Variants in SMARCA2 observed in about 807,000 individuals in gnomAD.
SMARCA2 encodes the protein SWI/SNF-related matrix-associated actin-dependent regulator of chromatin subfamily A member 2.
SMARCA2 carries 61 observed loss-of-function variants against 199.8 expected under a neutral mutation model. That is an observed-to-expected ratio of 0.31 (90% CI 0.25 to 0.38). The LOEUF (loss-of-function observed/expected upper bound fraction) is 0.38, where lower values mean the gene tolerates loss of function less well. Among genes scored for constraint, SMARCA2 ranks in the 10% least tolerant of loss-of-function variants. The pLI, the probability that SMARCA2 is intolerant of heterozygous loss-of-function variation, is 1.00. For missense variants in SMARCA2, 1,344 were observed against 2,012.2 expected (o/e 0.67, Z 6.35); for synonymous variants, 935 against 732.0 (o/e 1.28, Z -4.48).
In SMARCA2 at chr9:2,120,034, A is replaced by C. The variant is rs561501669; in HGVS notation, c.3762+499A>C. Among the ~76,000 whole-genome samples, 44 of 152,362 alleles carry C rather than the reference A, an allele frequency of 2.9e-4. No individual in the cohort carries two copies. The South Asian group carries it at 6.6e-3, about 23-fold the overall frequency. ...ACATGCTCCTTAGGGAGATAGGTGG[A>C]CAACAGCTAAAACAACACACAGGTG... On this transcript the variant is annotated intron_variant, in intron 26 of 33. Coordinates refer to ENST00000349721, the MANE Select transcript of SMARCA2 (RefSeq NM_003070.5).
At chr9:2,034,686 A>C (rs1405712637) in intron 3 of SMARCA2, among the ~76,000 whole-genome samples, 1 of 152,250 alleles carries the variant, frequency 6.6e-6, no homozygotes, top group Non-Finnish European at 1.5e-5. Context: ...GATTTAGAGA[A>C]GTCTATGCAC....
At chr9:2,166,439 A>G (rs1417282138) in intron 28 of SMARCA2, among the ~76,000 whole-genome samples, 1 of 152,086 alleles carries the variant, frequency 6.6e-6, no homozygotes. Context: ...CCCAGAACAC[A>G]CATACACTGC....
chr9:2,065,234 C>T (rs1437713191), intron 9 of SMARCA2, among the ~76,000 whole-genome samples: 1 of 152,150 alleles, frequency 6.6e-6, no homozygotes, highest in Non-Finnish European at 1.5e-5. Flanking sequence ...GAGCCGTTGA[C>T]ATCAGCCAAA....
At position 2,176,034 on chromosome 9, in the gene SMARCA2, C is replaced by T. The variant is rs900040351; in HGVS notation, c.4254-5537C>T. Among the ~76,000 whole-genome samples the T allele has an allele frequency of 5.9e-5, 9 of 152,124 alleles. No individual in the cohort carries two copies. In the South Asian group the frequency reaches 1.5e-3, roughly 25 times the overall value. On this transcript the variant is annotated intron_variant, in intron 29 of 33. Transcript: ENST00000349721. ...TAGCTGGGATTATAGCCATGCGCCA[C>T]CATACTCGGCTAATTTTTTTATTTT...
At chr9:2,073,943 G>A (rs1295124409) in intron 12 of SMARCA2, among the ~76,000 whole-genome samples, 1 of 152,126 alleles carries the variant, frequency 6.6e-6, no homozygotes, top group African/African-American at 2.4e-5. Flanking sequence ...GGATTACCTT[G>A]GGAAAGGCCA....
chr9:2,153,368 G>C (rs60466064), intron 27 of SMARCA2, among the ~76,000 whole-genome samples: 2,961 of 152,146 alleles, frequency 0.019, 80 homozygotes, highest in African/African-American at 0.061. Context: ...CTGACCCTGT[G>C]TCTACAAAAA....
intron 29 of SMARCA2, among the ~76,000 whole-genome samples, chr9:2,180,579 G>T (rs1298859566): frequency 2.6e-5 from 4 of 152,212 alleles, no homozygotes; most frequent in Non-Finnish European, 5.9e-5. Flanking sequence ...CACAAAGGAA[G>T]TAGAGATGGC....
intron 23 of SMARCA2, among the ~76,000 whole-genome samples, chr9:2,109,836 A>G (rs972613373): frequency 6.6e-6 from 1 of 152,216 alleles, no homozygotes; most frequent in Admixed American, 6.5e-5. Flanking sequence ...TTTAATGCCT[A>G]TTGGCAAAGT....
chr9:2,189,322 T>A (rs545960655), intron 32 of SMARCA2, among the ~76,000 whole-genome samples: 94 of 152,240 alleles, frequency 6.2e-4, no homozygotes, highest in African/African-American at 2.2e-3. Context: ...CCATAGTCTG[T>A]CAGGTGGGTT....
chr9:2,144,666 A>G (rs561444118), intron 27 of SMARCA2, among the ~76,000 whole-genome samples: 2 of 152,188 alleles, frequency 1.3e-5, no homozygotes, highest in Non-Finnish European at 2.9e-5. Flanking sequence ...AGGAGTCCAC[A>G]AAAGAGCCCC....
At chr9:2,088,879 ATT>A (rs375056248) in intron 19 of SMARCA2, among the ~76,000 whole-genome samples, 9 of 137,926 alleles carry the variant, frequency 6.5e-5, no homozygotes, top group Non-Finnish European at 7.6e-5. Context: ...TTAATTTTAG[ATT>A]TTTTTTTTTT....
At chr9:2,018,906 G>A (rs936338010) in intron 1 of SMARCA2, among the ~76,000 whole-genome samples, 2 of 152,216 alleles carry the variant, frequency 1.3e-5, no homozygotes, top group Non-Finnish European at 2.9e-5. Context: ...GCTACCTCTA[G>A]CACACTGGTG....
At chr9:2,021,370 C>A (rs1818593066) in intron 1 of SMARCA2, among the ~76,000 whole-genome samples, 2 of 152,108 alleles carry the variant, frequency 1.3e-5, no homozygotes, top group South Asian at 4.1e-4. Flanking sequence ...AAATCTCTAA[C>A]CAAAAAGGAA....
intron 19 of SMARCA2, among the ~76,000 whole-genome samples, chr9:2,093,806 T>C (rs1388326036): frequency 6.6e-6 from 1 of 152,202 alleles, no homozygotes; most frequent in Non-Finnish European, 1.5e-5. Flanking sequence ...AATTGGCAGC[T>C]TTAAATAGGG....
intron 4 of SMARCA2, chr9:2,042,350 C>G (rs574411670): frequency 6.6e-6 from 1 of 152,328 alleles, no homozygotes; most frequent in African/African-American, 2.4e-5. Context: ...TGGGTATGAT[C>G]TGCTATACCT....
At chr9:2,063,775 C>G (rs1353305924) in intron 9 of SMARCA2, among the ~76,000 whole-genome samples, 1 of 151,496 alleles carries the variant, frequency 6.6e-6, no homozygotes, top group East Asian at 1.9e-4. Context: ...GGACAGAGGC[C>G]TCTGTCTTTC....
chr9:2,150,547 C>A (rs989200394), intron 27 of SMARCA2, among the ~76,000 whole-genome samples: 1 of 151,604 alleles, frequency 6.6e-6, no homozygotes, highest in African/African-American at 2.4e-5. Context: ...AAAGATAAAG[C>A]CTGCCATCGT....
At chr9:2,120,346 A>G (rs1823402151) in intron 26 of SMARCA2, among the ~76,000 whole-genome samples, 1 of 152,118 alleles carries the variant, frequency 6.6e-6, no homozygotes, top group Admixed American at 6.5e-5. Flanking sequence ...AGGTAGGTGT[A>G]CTGGAGATGC....
chr9:2,116,113 A>T, intron 25 of SMARCA2, 64 bp downstream of exon 25: 1 of 1,240,548 alleles, frequency 8.1e-7, no homozygotes. Flanking sequence ...AAGGACTCAG[A>T]ATAATCCCTT....
Sources: allele counts gnomAD v4.1 joint callset (sites outside exome capture counted in the v4.1 genomes callset), GRCh38; gene constraint gnomAD v4.1.1; transcripts MANE v1.5; gene names NCBI Gene and HGNC (gene_info 2026-07-23, HGNC 2026-07-21).